BBOX1: variants seen among roughly 807,000 people sequenced by gnomAD.
The protein encoded by BBOX1 is gamma-butyrobetaine hydroxylase 1.
Under a neutral mutation model 41.6 loss-of-function variants are expected in BBOX1, and 35 were observed. The ratio of observed to expected loss-of-function variants is 0.84; its 90% CI spans 0.64 to 1.11. The LOEUF (loss-of-function observed/expected upper bound fraction) is 1.11. BBOX1 is among the 50% of genes most tolerant of loss of function. The pLI, the probability that BBOX1 is intolerant of heterozygous loss-of-function variation, is 0.00. For missense variants in BBOX1, 458 were observed against 460.6 expected, an observed-to-expected ratio of 0.99 and a Z score of 0.05; for synonymous variants, 163 against 154.7, an observed-to-expected ratio of 1.05 and a Z score of -0.40.
intron 5 of BBOX1, among the ~76,000 whole-genome samples, chr11:27,114,711 T>C (rs539107400): frequency 1.3e-4 from 17 of 126,028 alleles, no homozygotes; most frequent in South Asian, 7.4e-4. Flanking sequence ...AAGAATTAAA[T>C]TGGACCCACA....
intron 5 of BBOX1, among the ~76,000 whole-genome samples, chr11:27,108,916 G>A (rs946282898): frequency 2.0e-5 from 3 of 151,796 alleles, no homozygotes; most frequent in Non-Finnish European, 2.9e-5. Flanking sequence ...ACCCTTTACC[G>A]TATACCGTAT....
intron 7 of BBOX1, 64 bp from the exon 8 acceptor site, chr11:27,125,590 A>T (rs1859622709): frequency 7.9e-7 from 1 of 1,272,238 alleles, no homozygotes; most frequent in Admixed American, 3.1e-5. Flanking sequence ...AGAGGAATTG[A>T]CTCTTATCAA....
chr11:27,083,660 C>A (rs1254370863), intron 4 of BBOX1, among the ~76,000 whole-genome samples: 1 of 152,116 alleles, frequency 6.6e-6, no homozygotes, highest in Admixed American at 6.6e-5. Flanking sequence ...TTATACACCC[C>A]ATTTGTTACC....
intron 7 of BBOX1, among the ~76,000 whole-genome samples, chr11:27,124,662 T>C (rs1859582492): frequency 1.3e-5 from 2 of 152,068 alleles, no homozygotes; most frequent in East Asian, 1.9e-4. Flanking sequence ...ATTACAAGCA[T>C]GGGCCACCAT....
At chr11:27,084,723 C>G (rs1256031730) in intron 4 of BBOX1, among the ~76,000 whole-genome samples, 5 of 152,122 alleles carry the variant, frequency 3.3e-5, no homozygotes, top group African/African-American at 1.2e-4. Context: ...GCTCATGAAT[C>G]TTTAACTAAA....
At chr11:27,086,277 GC>G (rs1379031685) in intron 4 of BBOX1, among the ~76,000 whole-genome samples, 2 of 152,018 alleles carry the variant, frequency 1.3e-5, no homozygotes, top group Non-Finnish European at 2.9e-5. Context: ...AGAGGTCAAT[GC>G]CTAGCTTCAA....
At chr11:27,071,174 A>C (rs1290897570) in intron 4 of BBOX1, among the ~76,000 whole-genome samples, 1 of 152,046 alleles carries the variant, frequency 6.6e-6, no homozygotes, top group Non-Finnish European at 1.5e-5. Context: ...GGAAATCAAG[A>C]CCATCCTGGC....
At chr11:27,075,954 T>C (rs1564966032) in intron 4 of BBOX1, among the ~76,000 whole-genome samples, 2 of 152,236 alleles carry the variant, frequency 1.3e-5, no homozygotes, top group South Asian at 4.1e-4. Context: ...CTTTCCCCAC[T>C]GAGCCCAGCA....
chr11:27,072,487 C>T (rs1309207416), intron 4 of BBOX1, among the ~76,000 whole-genome samples: 3 of 152,142 alleles, frequency 2.0e-5, no homozygotes, highest in East Asian at 1.9e-4. Context: ...GTGAAAATGG[C>T]CATGCTGCCC....
chr11:27,109,203 A>G (rs904801280), intron 5 of BBOX1, among the ~76,000 whole-genome samples: 4 of 152,118 alleles, frequency 2.6e-5, no homozygotes, highest in Non-Finnish European at 5.9e-5. Flanking sequence ...TGAATAAAAC[A>G]TGCTTATGAG....
At chr11:27,060,710 G>C (rs1857109825) in intron 4 of BBOX1, among the ~76,000 whole-genome samples, 1 of 152,158 alleles carries the variant, frequency 6.6e-6, no homozygotes. Context: ...ATCAATAATA[G>C]AGCATGATAC....
chr11:27,041,981 A>C (rs1851358071), intron 2 of BBOX1, among the ~76,000 whole-genome samples: 3 of 152,166 alleles, frequency 2.0e-5, no homozygotes, highest in Admixed American at 1.3e-4. Flanking sequence ...TGCCTCTTTA[A>C]AATGCTGGCC....
Position 27,091,840 on chromosome 11 carries a change from T to C in BBOX1, c.335-1328T>C, listed in dbSNP as rs978125659. Among the ~76,000 whole-genome samples, 3 of 152,096 alleles carry C rather than the reference T, an allele frequency of 2.0e-5. No individual in the cohort carries two copies. In the East Asian group the frequency reaches 5.8e-4, roughly 29 times the overall value. On this transcript the variant is annotated intron_variant, in intron 4 of 8. Transcript: ENST00000263182. ...TAGTAAAAAATAATTAATGCAGCTCTAGGGAGGCCTAATTTACACTTAGCA... is the reference window on the plus strand; with the variant it reads ...TAGTAAAAAATAATTAATGCAGCTCCAGGGAGGCCTAATTTACACTTAGCA...
At chr11:27,086,683 T>C (rs2134027585) in intron 4 of BBOX1, among the ~76,000 whole-genome samples, 1 of 152,302 alleles carries the variant, frequency 6.6e-6, no homozygotes, top group Non-Finnish European at 1.5e-5. Context: ...ACTTCCAGTC[T>C]TATCATTTAA....
At chr11:27,081,283 C>T (rs1857826034) in intron 4 of BBOX1, among the ~76,000 whole-genome samples, 1 of 152,090 alleles carries the variant, frequency 6.6e-6, no homozygotes, top group African/African-American at 2.4e-5. Flanking sequence ...TAGTATGAGT[C>T]ATCAGAGTGA....
intron 4 of BBOX1, among the ~76,000 whole-genome samples, chr11:27,066,842 C>G (rs767708575): frequency 4.6e-5 from 7 of 150,924 alleles, no homozygotes; most frequent in Non-Finnish European, 1.0e-4. Context: ...TTAAGTTCTA[C>G]TCTATCCAAA....
chr11:27,065,256 T>C (rs1564959753), intron 4 of BBOX1, among the ~76,000 whole-genome samples: 1 of 152,314 alleles, frequency 6.6e-6, no homozygotes, highest in South Asian at 2.1e-4. Context: ...TTCAGAGAAA[T>C]ATCTTTGGGG....
chr11:27,090,693 CAG>C (rs1331137096), intron 4 of BBOX1, among the ~76,000 whole-genome samples: 1 of 151,824 alleles, frequency 6.6e-6, no homozygotes, highest in Non-Finnish European at 1.5e-5. Flanking sequence ...TTTACCAGGG[CAG>C]AGTTTTTCCC....
intron 4 of BBOX1, among the ~76,000 whole-genome samples, chr11:27,073,720 T>C (rs1212714670): frequency 6.6e-6 from 1 of 152,100 alleles, no homozygotes. Context: ...CACCATGGAA[T>C]ACTATGCAGC....
Sources: gnomAD v4.1 joint callset for allele counts (sites outside exome capture counted in the v4.1 genomes callset) on GRCh38, gnomAD v4.1.1 for gene constraint, MANE v1.5 for transcripts, NCBI Gene and HGNC (gene_info 2026-07-23, HGNC 2026-07-21) for gene names.